ENTREP1: variants seen among roughly 807,000 people sequenced by gnomAD.
ENTREP1 encodes endosomal transmembrane epsin interactor 1.
chr9:69,325,730 A>G, the ENTREP1 span: 284 of 1,225,218 alleles, frequency 2.3e-4, 1 homozygote, highest in African/African-American at 4.0e-3. Flanking sequence ...CTCGGTGAGT[A>G]CCGCGCGCGC....
At chr9:69,378,493 C>T in the ENTREP1 span, among the ~76,000 whole-genome samples, 68 of 152,152 alleles carry the variant, frequency 4.5e-4, no homozygotes, top group South Asian at 1.5e-3. Flanking sequence ...TTAGGCGCGG[C>T]GTGGTGGCTC....
the ENTREP1 span, chr9:69,383,548 G>A: frequency 6.3e-7 from 1 of 1,584,864 alleles, no homozygotes; most frequent in Non-Finnish European, 8.6e-7. Context: ...ACAGTTTAGA[G>A]CAAAGCCAGT....
chr9:69,375,053 G>C, the ENTREP1 span, among the ~76,000 whole-genome samples: 4 of 152,158 alleles, frequency 2.6e-5, no homozygotes, highest in African/African-American at 7.2e-5. Context: ...TTTCAAATAG[G>C]GTTGTTTAAA....
the ENTREP1 span, among the ~76,000 whole-genome samples, chr9:69,361,757 G>A: frequency 2.0e-5 from 3 of 152,216 alleles, no homozygotes; most frequent in East Asian, 5.8e-4. Context: ...TCATTCCAAA[G>A]AGTATCTGGT....
the ENTREP1 span, chr9:69,383,106 A>G: frequency 1.0e-6 from 1 of 985,180 alleles, no homozygotes; most frequent in Non-Finnish European, 1.2e-6. Flanking sequence ...CAAAAACAAG[A>G]GTCATGTAGA....
chr9:69,356,167 T>C, the ENTREP1 span, among the ~76,000 whole-genome samples: 1 of 152,222 alleles, frequency 6.6e-6, no homozygotes. Flanking sequence ...GCAACCACTA[T>C]TCTACTTTCT....
chr9:69,360,982 C>A, the ENTREP1 span, among the ~76,000 whole-genome samples: 1 of 152,074 alleles, frequency 6.6e-6, no homozygotes, highest in African/African-American at 2.4e-5. Context: ...AATTGGAATT[C>A]TCTCTCAAAA....
the ENTREP1 span, among the ~76,000 whole-genome samples, chr9:69,327,616 T>G: frequency 9.7e-5 from 5 of 51,310 alleles, no homozygotes; most frequent in Admixed American, 2.1e-4. Context: ...TTTGATGAAG[T>G]ACCAAAAGAA....
At chr9:69,355,126 T>C in the ENTREP1 span, among the ~76,000 whole-genome samples, 1 of 152,258 alleles carries the variant, frequency 6.6e-6, no homozygotes, top group Non-Finnish European at 1.5e-5. Context: ...TTTTAATGGC[T>C]CTTAGAAGTG....
the ENTREP1 span, among the ~76,000 whole-genome samples, chr9:69,372,016 TAGA>T: frequency 6.6e-6 from 1 of 152,166 alleles, no homozygotes; most frequent in Non-Finnish European, 1.5e-5. Flanking sequence ...TTTCCAGTTT[TAGA>T]AGATTAAATA....
At chr9:69,356,394 A>T in the ENTREP1 span, among the ~76,000 whole-genome samples, 1 of 152,168 alleles carries the variant, frequency 6.6e-6, no homozygotes, top group Non-Finnish European at 1.5e-5. Flanking sequence ...ACGCCCTGTG[A>T]GTACAGACAG....
the ENTREP1 span, among the ~76,000 whole-genome samples, chr9:69,351,033 A>G: frequency 1.3e-5 from 2 of 152,316 alleles, no homozygotes; most frequent in African/African-American, 4.8e-5. Context: ...TTTATTGGTA[A>G]TCTTAGAAGA....
At chr9:69,338,595 T>C in the ENTREP1 span, among the ~76,000 whole-genome samples, 1 of 152,240 alleles carries the variant, frequency 6.6e-6, no homozygotes, top group Non-Finnish European at 1.5e-5. Flanking sequence ...CCCTGTCTTA[T>C]TACATTCTTA....
chr9:69,378,714 G>A, the ENTREP1 span, among the ~76,000 whole-genome samples: 4 of 151,052 alleles, frequency 2.6e-5, no homozygotes, highest in Admixed American at 6.6e-5. Context: ...AGCTGAGATC[G>A]CACCACTGCA....
At chr9:69,356,127 G>A in the ENTREP1 span, among the ~76,000 whole-genome samples, 16 of 152,174 alleles carry the variant, frequency 1.1e-4, no homozygotes, top group East Asian at 3.1e-3. Flanking sequence ...AAACAACAAC[G>A]CCCCATTTCC....
At chr9:69,340,682 C>CAT in the ENTREP1 span, among the ~76,000 whole-genome samples, 8 of 16,260 alleles carry the variant, frequency 4.9e-4, no homozygotes, top group Admixed American at 7.2e-4. Context: ...TGTGTGCATG[C>CAT]ATGTGTGTGT....
chr9:69,348,518 A>G, the ENTREP1 span, among the ~76,000 whole-genome samples: 43 of 152,196 alleles, frequency 2.8e-4, no homozygotes, highest in Non-Finnish European at 5.6e-4. Context: ...TCCCAGATCT[A>G]TGTAAACTTC....
At chr9:69,373,787 A>G in the ENTREP1 span, among the ~76,000 whole-genome samples, 1 of 152,132 alleles carries the variant, frequency 6.6e-6, no homozygotes, top group Non-Finnish European at 1.5e-5. Context: ...CAACCATTTT[A>G]TTGTTCTATC....
the ENTREP1 span, among the ~76,000 whole-genome samples, chr9:69,350,645 A>G: frequency 6.6e-6 from 1 of 152,240 alleles, no homozygotes; most frequent in South Asian, 2.1e-4. Flanking sequence ...TCAAGTAATA[A>G]TTTTCAGAAA....
Sources: allele counts gnomAD v4.1 joint callset (sites outside exome capture counted in the v4.1 genomes callset), GRCh38; gene constraint gnomAD v4.1.1; transcripts MANE v1.5; gene names NCBI Gene and HGNC (gene_info 2026-07-23, HGNC 2026-07-21).